ILDR2: variants seen among roughly 807,000 people sequenced by gnomAD.
The protein encoded by ILDR2 is immunoglobulin like domain containing receptor 2, also known as immunoglobulin-like domain-containing receptor 2.
In ILDR2, 25 loss-of-function variants were observed where a neutral mutation model predicts 66.8. That is an observed-to-expected ratio of 0.37 (90% CI 0.27 to 0.52). The LOEUF (loss-of-function observed/expected upper bound fraction) is 0.52. Among genes scored for constraint, ILDR2 ranks in the 20% least tolerant of loss-of-function variants. ILDR2 has a pLI of 0.88. For missense variants in ILDR2, 827 were observed against 876.8 expected (o/e 0.94, Z 0.72); for synonymous variants, 367 against 357.2 (o/e 1.03, Z -0.31).
chr1:166,974,328 T>C (rs889530922), intron 1 of ILDR2, among the ~76,000 whole-genome samples: 1 of 152,154 alleles, frequency 6.6e-6, no homozygotes, highest in Non-Finnish European at 1.5e-5. Flanking sequence ...GCTTTGTGAA[T>C]CTCTCAGGGC....
chr1:166,898,003 G>A (rs761436429), intron 2 of ILDR2, among the ~76,000 whole-genome samples: 3 of 152,200 alleles, frequency 2.0e-5, no homozygotes, highest in Non-Finnish European at 4.4e-5. Context: ...GTGATGGAAT[G>A]TGCCCTTAAC....
chr1:166,934,536 G>A (rs114538440), intron 6 of ILDR2, among the ~76,000 whole-genome samples: 4,459 of 152,126 alleles, frequency 0.029, 232 homozygotes, highest in African/African-American at 0.1. Context: ...TTGTCATGGT[G>A]CCACCTCTGC....
At chr1:166,957,549 C>T (rs932075448) in intron 2 of ILDR2, among the ~76,000 whole-genome samples, 1 of 152,164 alleles carries the variant, frequency 6.6e-6, no homozygotes, top group East Asian at 1.9e-4. Context: ...CAAAGTTCAT[C>T]TGTATGTCTT....
rs144655519 is a variant in ILDR2, at chr1:166,974,398, T to C, written c.46+825A>G. Among the ~76,000 whole-genome samples the C allele has an allele frequency of 7.2e-3, 1,100 of 152,154 alleles. 4 individuals are homozygous for C. Among genetic ancestry groups the C allele is most frequent in the Non-Finnish European group, 0.012 (795 of 68,002 alleles). ...CGGAATCCTCATGTGGGGAAATAGG[T>C]TAAGAACAAGAGCATCTACTGACCC... On this transcript the variant is annotated intron_variant, in intron 1 of 9. Coordinates refer to ENST00000271417, the MANE Select transcript of ILDR2 (RefSeq NM_199351.3).
chr1:166,942,657 C>T (rs1661375367), intron 3 of ILDR2, among the ~76,000 whole-genome samples: 2 of 152,192 alleles, frequency 1.3e-5, no homozygotes, highest in South Asian at 4.1e-4. Context: ...AAACACAAAG[C>T]TGCATTTCCC....
Position 166,921,514 on chromosome 1 carries a change from G to A in ILDR2, c.1212-135C>T. The A allele has an allele frequency of 1.4e-6, 1 of 706,350 alleles. No individual in the cohort carries two copies. The highest frequency in any genetic ancestry group is 2.3e-6 in the Non-Finnish European group (1 of 440,920). 43.8% of individuals were successfully genotyped at this position (706,350 alleles called of 1,614,324 possible). ...CTGAGCCTCAGCTCCGCTCCAGGCT[G>A]GATGAAGCATTCCAGGCTCCTCTCA... On this transcript the variant is annotated intron_variant, in intron 8 of 9. Transcript: ENST00000271417. The surrounding 1 kb of genome is among the most constrained non-coding windows in gnomAD (Gnocchi z 5.3).
intron 6 of ILDR2, among the ~76,000 whole-genome samples, chr1:166,933,111 T>C (rs532157891): frequency 1.3e-5 from 2 of 152,348 alleles, no homozygotes; most frequent in Admixed American, 1.3e-4. Flanking sequence ...ACCCTTCCTC[T>C]TTTTCCTTGC....
intron 6 of ILDR2, among the ~76,000 whole-genome samples, chr1:166,930,410 C>T (rs1430282937): frequency 2.0e-5 from 3 of 152,160 alleles, no homozygotes; most frequent in African/African-American, 7.2e-5. Context: ...CTAAATTCCT[C>T]TAATTTGTCA....
intron 3 of ILDR2, among the ~76,000 whole-genome samples, chr1:166,939,878 T>A (rs554088677): frequency 1.3e-5 from 2 of 152,346 alleles, no homozygotes; most frequent in South Asian, 4.1e-4. Context: ...CTCCATTCAT[T>A]TATACATCCG....
chr1:166,954,824 T>C (rs1662179417), intron 3 of ILDR2, among the ~76,000 whole-genome samples: 1 of 152,214 alleles, frequency 6.6e-6, no homozygotes, highest in Non-Finnish European at 1.5e-5. Context: ...AGGAATGCCC[T>C]TCATATACTT....
At position 166,973,759 on chromosome 1, in the gene ILDR2, G is replaced by A. The variant is rs111792421; in HGVS notation, c.46+1464C>T. 8.9e-4 allele frequency among the ~76,000 whole-genome samples: 136 copies of A among 152,224 alleles called. 1 individual carries two copies. In the East Asian group the frequency reaches 0.023, roughly 26 times the overall value. On this transcript the variant is annotated intron_variant, in intron 1 of 9. Transcript: ENST00000271417. ...AGGGTGGGAGTGGAAGGCACTGGGA[G>A]GCCAGGGGAGCGGGGTGGCATGGAT...
intron 3 of ILDR2, among the ~76,000 whole-genome samples, chr1:166,947,381 C>CA (rs1176706457): frequency 6.6e-6 from 1 of 152,246 alleles, no homozygotes; most frequent in Non-Finnish European, 1.5e-5. Flanking sequence ...TGGTAGGTCT[C>CA]AAACTGTCAG....
At position 166,908,478 on chromosome 1, in the gene ILDR2, G is replaced by T. The variant is rs1194660050; in HGVS notation, c.*10877C>A. 6.6e-6 allele frequency: 1 copy of T among 152,162 alleles called. No homozygotes were observed. The highest frequency in any genetic ancestry group is 6.5e-5 in the Admixed American group (1 of 15,276). The allele number at this position is 152,162 out of a possible 1,614,324, so 9.4% of individuals were successfully genotyped here. On this transcript the variant is annotated 3_prime_UTR_variant, in exon 10 of 10. Coordinates refer to ENST00000271417, the MANE Select transcript of ILDR2 (RefSeq NM_199351.3). ...TTAGGATTTTGACATAAAAATTTGG[G>T]GAAGACACAAAACACTCAGTCCATA...
At chr1:166,958,202 C>T (rs142320058) in intron 1 of ILDR2, 101 bp from the exon 2 acceptor site, 2 of 928,616 alleles carry the variant, frequency 2.2e-6, no homozygotes, top group Non-Finnish European at 3.3e-6. Context: ...AACTTGTGTC[C>T]CCTCAACCTC....
At chr1:166,956,930 A>G in intron 2 of ILDR2, 78 bp from the exon 3 acceptor site, 1 of 1,498,264 alleles carries the variant, frequency 6.7e-7, no homozygotes, top group Non-Finnish European at 9.1e-7. Flanking sequence ...GGGGTTGGGA[A>G]GGGAGAAACC....
intron 1 of ILDR2, 99 bp downstream of exon 1, chr1:166,975,124 G>T: frequency 9.8e-7 from 1 of 1,023,226 alleles, no homozygotes. Flanking sequence ...TTTAAACATG[G>T]TCAGTAAGGA....
intron 1 of ILDR2, among the ~76,000 whole-genome samples, chr1:166,967,376 C>T (rs1336007301): frequency 6.6e-6 from 1 of 150,902 alleles, no homozygotes; most frequent in Non-Finnish European, 1.5e-5. Flanking sequence ...GCAGCTTAGG[C>T]TATACTTTAA....
At position 166,975,350 on chromosome 1, in the gene ILDR2, A is replaced by C; in HGVS notation, c.-82T>G. On this transcript the variant is annotated 5_prime_UTR_variant, in exon 1 of 10. Transcript: ENST00000271417. ...AGAAGGATCGCTGTCACCCCGCGGCAGCGGGCGGCGGCGGAGCGGCGGGCA... is the reference window on the plus strand; with the variant it reads ...AGAAGGATCGCTGTCACCCCGCGGCCGCGGGCGGCGGCGGAGCGGCGGGCA... 1 of 1,300,518 alleles carries C rather than the reference A, an allele frequency of 7.7e-7. No individual in the cohort carries two copies. Among genetic ancestry groups the C allele is most frequent in the Non-Finnish European group, 1.0e-6 (1 of 953,920 alleles). 80.6% of individuals were successfully genotyped at this position (1,300,518 alleles called of 1,614,324 possible).
In ILDR2 at chr1:166,962,533, G is replaced by A. The variant is rs1662682223; in HGVS notation, c.47-4432C>T. Among the ~76,000 whole-genome samples, 3 of 152,116 alleles carry A rather than the reference G, an allele frequency of 2.0e-5. No individual in the cohort carries two copies. The South Asian group carries it at 6.2e-4, about 32-fold the overall frequency. On this transcript the variant is annotated intron_variant, in intron 1 of 9. Transcript: ENST00000271417. ...CCAACTTCAAAAAATACCTCTCATG[G>A]GACCCACATAGATCAGGCCCCTCAG...
Sources: allele counts gnomAD v4.1 joint callset (sites outside exome capture counted in the v4.1 genomes callset), GRCh38; gene constraint gnomAD v4.1.1; non-coding constraint Gnocchi (gnomAD v3.1); transcripts MANE v1.5; gene names NCBI Gene and HGNC (gene_info 2026-07-23, HGNC 2026-07-21).